SYT2: variants seen among roughly 807,000 people sequenced by gnomAD.
The protein encoded by SYT2 is synaptotagmin 2.
SYT2 carries 15 observed loss-of-function variants against 39.9 expected under a neutral mutation model. The ratio of observed to expected loss-of-function variants is 0.38; its 90% CI spans 0.25 to 0.58. SYT2 has a LOEUF of 0.58. Ranked by LOEUF, SYT2 falls within the 20% of genes least tolerant of loss-of-function variation. The pLI, the probability that SYT2 is intolerant of heterozygous loss-of-function variation, is 0.70. For missense variants in SYT2, 389 were observed against 530.3 expected (o/e 0.73, Z 2.62); for synonymous variants, 181 against 204.5 (o/e 0.89, Z 0.98).
Position 202,643,545 on chromosome 1 carries a change from A to G in SYT2, c.-17-37756T>C, listed in dbSNP as rs1192987958. 2.6e-5 allele frequency: 4 copies of G among 152,108 alleles called. No individual in the cohort carries two copies. In the East Asian group the frequency reaches 7.8e-4, roughly 30 times the overall value. The allele number at this position is 152,108 out of a possible 1,614,324, so 9.4% of individuals were successfully genotyped here. On this transcript the variant is annotated intron_variant, in intron 1 of 8. Coordinates refer to ENST00000367268, the MANE Select transcript of SYT2 (RefSeq NM_177402.5). ...ATGCTCCTCACATTCGCCTGCACAC[A>G]GCGCGTGCGGCCCCTCCGAGGGCGA...
chr1:202,649,885 C>T (rs894037144), intron 1 of SYT2, among the ~76,000 whole-genome samples: 11 of 152,214 alleles, frequency 7.2e-5, no homozygotes, highest in Admixed American at 5.2e-4. Context: ...ACCCATCCAC[C>T]TTCTGGGGAG....
chr1:202,613,531 C>T lies in SYT2; in HGVS notation c.-17-7742G>A, dbSNP rs546201438. Among the ~76,000 whole-genome samples, 18 of 152,336 alleles carry T rather than the reference C, an allele frequency of 1.2e-4. No homozygotes were observed. In the South Asian group the frequency reaches 3.7e-3, roughly 32 times the overall value. The stretch of plus-strand genomic sequence containing the variant: ...AATTGCCGTGGCTAGAACTTCCAGT[C>T]CACTGTTGAACAGAAGTGGTGACAG... On this transcript the variant is annotated intron_variant, in intron 1 of 8. Transcript: ENST00000367268.
chr1:202,605,809 A>T lies in SYT2; in HGVS notation c.-17-20T>A, dbSNP rs199974910. 1 of 1,603,896 alleles carries T rather than the reference A, an allele frequency of 6.2e-7. No homozygotes were observed. The highest frequency in any genetic ancestry group is 2.2e-5 in the East Asian group (1 of 44,728). On this transcript the variant is annotated intron_variant, in intron 1 of 8. Transcript: ENST00000367268. ...AAACAGCTGGGGACGAGAGGTGAAG[A>T]GGGCAGGGTGAGCATCCAGAGGTCG... is the stretch of plus-strand genomic sequence containing the variant.
intron 1 of SYT2, among the ~76,000 whole-genome samples, chr1:202,619,824 C>T (rs1691156693): frequency 6.6e-6 from 1 of 152,222 alleles, no homozygotes; most frequent in Non-Finnish European, 1.5e-5. Flanking sequence ...GTGGCAACAA[C>T]AGGTTCAATC....
intron 1 of SYT2, among the ~76,000 whole-genome samples, chr1:202,646,228 T>G (rs1692078661): frequency 6.6e-6 from 1 of 152,196 alleles, no homozygotes; most frequent in Admixed American, 6.5e-5. Flanking sequence ...CCTTCCAGCT[T>G]CACCTGGCAC....
chr1:202,691,057 C>T (rs1156573159), intron 1 of SYT2, among the ~76,000 whole-genome samples: 4 of 152,202 alleles, frequency 2.6e-5, no homozygotes, highest in Non-Finnish European at 4.4e-5. Flanking sequence ...GCCTCCACTT[C>T]GTCCAGACCC....
chr1:202,674,067 T>C (rs764960993), intron 1 of SYT2, among the ~76,000 whole-genome samples: 20 of 152,276 alleles, frequency 1.3e-4, no homozygotes, highest in Non-Finnish European at 2.5e-4. Flanking sequence ...TGTGTGTGAA[T>C]TTCTGAACAA....
Position 202,628,095 on chromosome 1 carries a change from C to T in SYT2, c.-17-22306G>A, listed in dbSNP as rs1691469722. Among the ~76,000 whole-genome samples the T allele has an allele frequency of 6.6e-6, 1 of 152,294 alleles. No homozygotes were observed. The highest frequency in any genetic ancestry group is 2.4e-5 in the African/African-American group (1 of 41,570). ...AGGCACCGGGCTCAGAGGTGGGTGC[C>T]GGGGGCAGGGAGGGAGACCTCCACT... On this transcript the variant is annotated intron_variant, in intron 1 of 8. Coordinates refer to ENST00000367268, the MANE Select transcript of SYT2 (RefSeq NM_177402.5). This position sits in a 1 kb window ranked among gnomAD's most constrained non-coding sequence, Gnocchi z 4.2.
rs56979202 is a variant in SYT2 at position 202,640,734 on chromosome 1, C to CAGAGAG, written c.-17-34951_-17-34946dup. ...TCTACTGCAGAATGGTCCTAATGGT[C>CAGAGAG]AGAGAGAGAGAGAGAGAGAGAGAGA... On this transcript the variant is annotated intron_variant, in intron 1 of 8. Coordinates refer to ENST00000367268, the MANE Select transcript of SYT2 (RefSeq NM_177402.5). Among the ~76,000 whole-genome samples, 113 of 90,696 alleles carry CAGAGAG rather than the reference C, an allele frequency of 1.2e-3. 1 individual carries two copies. Among genetic ancestry groups the CAGAGAG allele is most frequent in the Middle Eastern group, 6.0e-3 (1 of 168 alleles). The allele number at this position is 90,696 out of a possible 152,430, so 59.5% of individuals were successfully genotyped here.
chr1:202,631,679 G>C (rs935514721), intron 1 of SYT2, among the ~76,000 whole-genome samples: 2 of 152,148 alleles, frequency 1.3e-5, no homozygotes, highest in Non-Finnish European at 2.9e-5. Context: ...CTCTTCATGT[G>C]GGAGAATAGA....
intron 1 of SYT2, among the ~76,000 whole-genome samples, chr1:202,627,938 T>C (rs2149088640): frequency 6.6e-6 from 1 of 152,160 alleles, no homozygotes; most frequent in East Asian, 1.9e-4. Context: ...GAGATCAGCT[T>C]GCCCAGGGCC....
intron 1 of SYT2, among the ~76,000 whole-genome samples, chr1:202,703,770 C>T (rs1235333195): frequency 1.3e-5 from 2 of 152,176 alleles, no homozygotes; most frequent in Admixed American, 6.5e-5. Context: ...AAGCTCCTCC[C>T]ATCCCCTCCT....
chr1:202,613,066 TC>T (rs201297646), intron 1 of SYT2, among the ~76,000 whole-genome samples: 8 of 97,650 alleles, frequency 8.2e-5, no homozygotes, highest in South Asian at 3.6e-4. Flanking sequence ...CATTGGTTCT[TC>T]CTTTTTTTTT....
At chr1:202,645,207 T>C (rs1293707162) in intron 1 of SYT2, among the ~76,000 whole-genome samples, 2 of 151,440 alleles carry the variant, frequency 1.3e-5, no homozygotes, top group East Asian at 2.0e-4. Flanking sequence ...GCACCAGGGG[T>C]TTCCCCCCAC....
At chr1:202,641,824 C>T (rs377457507) in intron 1 of SYT2, among the ~76,000 whole-genome samples, 6 of 152,324 alleles carry the variant, frequency 3.9e-5, no homozygotes, top group East Asian at 3.9e-4. Flanking sequence ...TCACAGCCAA[C>T]CTTTCTCTAG....
chr1:202,620,598 A>G (rs1691177735), intron 1 of SYT2, among the ~76,000 whole-genome samples: 1 of 151,838 alleles, frequency 6.6e-6, no homozygotes, highest in African/African-American at 2.4e-5. Flanking sequence ...AGGGGCCACC[A>G]TCTCTCCCCC....
intron 1 of SYT2, among the ~76,000 whole-genome samples, chr1:202,651,161 A>G (rs1033005647): frequency 6.6e-6 from 1 of 152,120 alleles, no homozygotes; most frequent in African/African-American, 2.4e-5. Context: ...GGGAAAGCCA[A>G]TACCAGTCTA....
intron 1 of SYT2, among the ~76,000 whole-genome samples, chr1:202,621,224 C>T (rs1691195042): frequency 6.6e-6 from 1 of 152,194 alleles, no homozygotes; most frequent in Non-Finnish European, 1.5e-5. Flanking sequence ...CCCTCTGGTA[C>T]TTCAGAACCC....
intron 1 of SYT2, among the ~76,000 whole-genome samples, chr1:202,612,908 T>C (rs1400264801): frequency 1.3e-5 from 2 of 152,146 alleles, no homozygotes; most frequent in Admixed American, 1.3e-4. Context: ...ATCTTGCACT[T>C]CTTTTGTTCC....
Sources: allele counts gnomAD v4.1 joint callset (sites outside exome capture counted in the v4.1 genomes callset), GRCh38; gene constraint gnomAD v4.1.1; non-coding constraint Gnocchi (gnomAD v3.1); transcripts MANE v1.5; gene names NCBI Gene and HGNC (gene_info 2026-07-23, HGNC 2026-07-21).